LOXHD1: variants seen among roughly 807,000 people sequenced by gnomAD.
The protein encoded by LOXHD1 is lipoxygenase homology PLAT domains 1, also known as lipoxygenase homology domain-containing protein 1.
A neutral mutation model predicts 248.2 loss-of-function variants in LOXHD1; 205 were observed. The observed-to-expected ratio is 0.83, with a 90% confidence interval of 0.74 to 0.93. The LOEUF (loss-of-function observed/expected upper bound fraction) is 0.93. Ranked by LOEUF, LOXHD1 falls within the 40% of genes least tolerant of loss-of-function variation. LOXHD1 has a pLI of 0.00. For synonymous variants in LOXHD1, 1,113 were observed against 1,162.8 expected, an observed-to-expected ratio of 0.96 and a Z score of 0.87; for missense variants, 2,930 against 2,971.6, an observed-to-expected ratio of 0.99 and a Z score of 0.33.
At chr18:46,649,405 C>A (rs890327232) in intron 1 of LOXHD1, 136 bp from the exon 2 acceptor site, 1 of 684,770 alleles carries the variant, frequency 1.5e-6, no homozygotes, top group Non-Finnish European at 2.5e-6. Context: ...TCCTGTAGGC[C>A]TCTGAGCCAT....
At chr18:46,605,607 C>A (rs1483302258) in intron 6 of LOXHD1, among the ~76,000 whole-genome samples, 4 of 152,022 alleles carry the variant, frequency 2.6e-5, no homozygotes, top group Non-Finnish European at 5.9e-5. Flanking sequence ...AAGACTCAGG[C>A]AATAGGAAAA....
At position 46,524,563 on chromosome 18, in the gene LOXHD1, AG is replaced by A; in HGVS notation, c.4778del (p.Pro1593LeufsTer9). 6.4e-7 allele frequency: 1 copy of A among 1,551,738 alleles called. No individual in the cohort carries two copies. The highest frequency in any genetic ancestry group is 8.7e-7 in the Non-Finnish European group (1 of 1,147,002). ...TGDRSSNCSS[P>X]ADFWEIALSS... Reference sequence around the variant, plus strand: ...TCAGGGCGATCTCCCAGAAGTCAGCAGGGCTGCTGCAGTTGCTGCTGCGGTC... The same window carrying A: ...TCAGGGCGATCTCCCAGAAGTCAGCAGGCTGCTGCAGTTGCTGCTGCGGTC... On this transcript the variant is annotated frameshift_variant, in exon 31 of 41. Coordinates refer to ENST00000642948, the MANE Select transcript of LOXHD1 (RefSeq NM_001384474.1). LOFTEE classifies it high-confidence loss of function.
rs1444611862 is a variant in LOXHD1 at position 46,601,310 on chromosome 18, G to A, written c.1041C>T (p.Phe347=). 3 of 1,551,586 alleles carry A rather than the reference G, an allele frequency of 1.9e-6. No individual in the cohort carries two copies. The highest frequency in any genetic ancestry group is 1.4e-5 in the African/African-American group (1 of 73,034). Residue 347 remains phenylalanine, a synonymous_variant, in exon 8 of 41, where the codon TTC becomes TTT. Transcript: ENST00000642948. ...GVFDRGRTDI[F]HIELAVLLSP... is the part of the protein sequence containing the mutation. ...TAAGGAGGACAGCCAGCTCGATGTG[G>A]AAGATGTCCGTGCGGCCTCGGTCAA...
intron 33 of LOXHD1, chr18:46,520,824 G>T: frequency 2.3e-6 from 1 of 439,860 alleles, no homozygotes. Flanking sequence ...CAGGCCATGA[G>T]TAGCAGGGAT....
chr18:46,549,621 G>A (rs550058144), intron 21 of LOXHD1, among the ~76,000 whole-genome samples: 43 of 152,216 alleles, frequency 2.8e-4, no homozygotes, highest in Admixed American at 5.2e-4. Context: ...TCAACATTCT[G>A]GGACCTCTAG....
At chr18:46,569,166 G>T (rs2144079478) in intron 16 of LOXHD1, among the ~76,000 whole-genome samples, 1 of 152,116 alleles carries the variant, frequency 6.6e-6, no homozygotes, top group Non-Finnish European at 1.5e-5. Context: ...AAATGTTGAG[G>T]CAATGCCACT....
intron 4 of LOXHD1, among the ~76,000 whole-genome samples, chr18:46,627,255 C>A (rs1260637074): frequency 6.6e-6 from 1 of 152,158 alleles, no homozygotes; most frequent in African/African-American, 2.4e-5. Context: ...GATTGAGAAC[C>A]AGATGGCCAG....
At chr18:46,483,126 G>A (rs991248600) in intron 40 of LOXHD1, among the ~76,000 whole-genome samples, 3 of 152,202 alleles carry the variant, frequency 2.0e-5, no homozygotes, top group Admixed American at 6.5e-5. Context: ...GGGGTACTGT[G>A]AGGCAGATGG....
At chr18:46,478,006 G>A (rs1052790831) in intron 40 of LOXHD1, 54 bp from the exon 41 acceptor site, 10 of 1,507,498 alleles carry the variant, frequency 6.6e-6, no homozygotes, top group African/African-American at 1.4e-5. Context: ...CCCCAGCCGA[G>A]GCTGCTCCCT....
intron 5 of LOXHD1, among the ~76,000 whole-genome samples, chr18:46,612,811 T>C (rs567282943): frequency 6.6e-6 from 1 of 152,278 alleles, no homozygotes; most frequent in Admixed American, 6.5e-5. Flanking sequence ...TTTAATTTTA[T>C]CATTTTTCAT....
At chr18:46,632,606 C>G (rs4145183) in intron 4 of LOXHD1, among the ~76,000 whole-genome samples, 50,333 of 151,850 alleles carry the variant, frequency 0.33, 8,323 homozygotes, top group East Asian at 0.38. Flanking sequence ...ACCAGGAAGA[C>G]AGTCACACAC....
chr18:46,651,748 C>T (rs2039114758), intron 1 of LOXHD1, among the ~76,000 whole-genome samples: 1 of 151,506 alleles, frequency 6.6e-6, no homozygotes, highest in Admixed American at 6.6e-5. Flanking sequence ...GTATATCCAA[C>T]AAAGCACTCA....
intron 25 of LOXHD1, among the ~76,000 whole-genome samples, chr18:46,540,815 A>G (rs929354891): frequency 6.6e-6 from 1 of 152,102 alleles, no homozygotes; most frequent in African/African-American, 2.4e-5. Context: ...CTGGGAATAG[A>G]GGCTGGATCC....
intron 19 of LOXHD1, 35 bp downstream of exon 19, chr18:46,560,048 T>TCCCACCCCC: frequency 8.2e-7 from 1 of 1,226,298 alleles, no homozygotes; most frequent in Non-Finnish European, 1.1e-6. Context: ...GTCTGGCCAC[T>TCCCACCCCC]CCCTCCCCAC....
intron 37 of LOXHD1, among the ~76,000 whole-genome samples, chr18:46,499,033 TCAA>T (rs1320428380): frequency 6.6e-6 from 1 of 152,204 alleles, no homozygotes; most frequent in Non-Finnish European, 1.5e-5. Flanking sequence ...AAGCTGATGT[TCAA>T]CATTAATTTA....
intron 31 of LOXHD1, 48 bp from the exon 32 acceptor site, chr18:46,522,357 G>T: frequency 6.8e-7 from 1 of 1,464,604 alleles, no homozygotes. Flanking sequence ...AGATAGACAA[G>T]GCACTGCCTC....
intron 37 of LOXHD1, among the ~76,000 whole-genome samples, chr18:46,504,095 T>C (rs2034410277): frequency 6.6e-6 from 1 of 152,154 alleles, no homozygotes; most frequent in African/African-American, 2.4e-5. Flanking sequence ...CAAAGGTTTC[T>C]ATTTGTTTGT....
At chr18:46,541,294 C>A (rs1332207844) in intron 25 of LOXHD1, among the ~76,000 whole-genome samples, 1 of 152,018 alleles carries the variant, frequency 6.6e-6, no homozygotes, top group East Asian at 1.9e-4. Context: ...CCCTTCAACC[C>A]ATAAGTGAGG....
At chr18:46,555,254 C>A (rs1349599757) in intron 21 of LOXHD1, 1 of 464,394 alleles carries the variant, frequency 2.2e-6, no homozygotes. Context: ...GTTAGGCTGG[C>A]AACATTAAGC....
Sources: allele counts gnomAD v4.1 joint callset (sites outside exome capture counted in the v4.1 genomes callset), GRCh38; gene constraint gnomAD v4.1.1; transcripts MANE v1.5; gene names NCBI Gene and HGNC (gene_info 2026-07-23, HGNC 2026-07-21).